Variants in ULK4 observed in about 807,000 individuals in gnomAD.
ULK4 encodes the protein inactive serine/threonine-protein kinase ULK4.
ULK4 carries 133 observed loss-of-function variants against 160.6 expected under a neutral mutation model. That is an observed-to-expected ratio of 0.83 (90% CI 0.72 to 0.96). The LOEUF is 0.96. Among genes scored for constraint, ULK4 ranks in the 40% least tolerant of loss-of-function variants. The pLI, the probability that ULK4 is intolerant of heterozygous loss-of-function variation, is 0.00. For missense variants in ULK4, 1,580 were observed against 1,499.5 expected (o/e 1.05, Z -0.89); for synonymous variants, 534 against 539.8 (o/e 0.99, Z 0.15).
At chr3:41,666,007 G>C (rs1026032104) in intron 29 of ULK4, among the ~76,000 whole-genome samples, 2 of 152,322 alleles carry the variant, frequency 1.3e-5, no homozygotes, top group African/African-American at 4.8e-5. Flanking sequence ...CAGAGACAAG[G>C]AAAGACCAGG....
At chr3:41,382,321 G>A (rs1267872001) in intron 35 of ULK4, among the ~76,000 whole-genome samples, 1 of 152,162 alleles carries the variant, frequency 6.6e-6, no homozygotes, top group Non-Finnish European at 1.5e-5. Flanking sequence ...ATATTTACTT[G>A]TTGAGTGAAT....
At chr3:41,341,901 G>A (rs2080693619) in intron 35 of ULK4, among the ~76,000 whole-genome samples, 1 of 152,158 alleles carries the variant, frequency 6.6e-6, no homozygotes, top group South Asian at 2.1e-4. Flanking sequence ...GGAACATGAA[G>A]CATCTATAAA....
At chr3:41,584,583 G>A (rs980438345) in intron 31 of ULK4, among the ~76,000 whole-genome samples, 7 of 152,048 alleles carry the variant, frequency 4.6e-5, no homozygotes, top group African/African-American at 1.2e-4. Flanking sequence ...TACCATGCCT[G>A]GCCAAGAAAT....
At position 41,623,446 on chromosome 3, in the gene ULK4, C is replaced by A. The variant is rs549548251; in HGVS notation, c.3072-7729G>T. 2.0e-4 allele frequency among the ~76,000 whole-genome samples: 31 copies of A among 152,156 alleles called. No individual in the cohort carries two copies. In the South Asian group the frequency reaches 6.4e-3, roughly 32 times the overall value. ...TCATTGCAGCATTATCCATAATAGA[C>A]AAGATACGGAAACAACCTAAATGAC... On this transcript the variant is annotated intron_variant, in intron 30 of 36. Transcript: ENST00000301831.
intron 35 of ULK4, among the ~76,000 whole-genome samples, chr3:41,319,960 C>T (rs1254867033): frequency 6.6e-6 from 1 of 152,156 alleles, no homozygotes; most frequent in Non-Finnish European, 1.5e-5. Flanking sequence ...AGTTTCTTCA[C>T]GTACAAAACT....
rs192119684 is a variant in ULK4, at chr3:41,908,921, C to T, written c.1086-980G>A. 7.2e-5 allele frequency among the ~76,000 whole-genome samples: 11 copies of T among 151,848 alleles called. No homozygotes were observed. The East Asian group carries it at 1.9e-3, about 27-fold the overall frequency. ...CAGTCTGGCCAATATGGCAAAACCC[C>T]ATCCCTACTAAAAATACAAAAATTA... On this transcript the variant is annotated intron_variant, in intron 11 of 36. Transcript: ENST00000301831.
chr3:41,316,029 C>T (rs1047171015), intron 35 of ULK4, among the ~76,000 whole-genome samples: 4 of 152,164 alleles, frequency 2.6e-5, no homozygotes, highest in African/African-American at 9.7e-5. Flanking sequence ...CCAGGAATTC[C>T]AGTCACAGGT....
rs1209497328 is a variant in ULK4, at chr3:41,247,048, C to T, written c.3765-56G>A. 3.9e-6 allele frequency: 6 copies of T among 1,553,698 alleles called. No homozygotes were observed. In the Admixed American group the frequency reaches 1.1e-4, roughly 28 times the overall value. ...ATAGGCATCTCTAAGGTAAAGTGCTCCCCCCTTTCAAAGGGGCCAGCCTCT... is the reference window on the plus strand; with the variant it reads ...ATAGGCATCTCTAAGGTAAAGTGCTTCCCCCTTTCAAAGGGGCCAGCCTCT... On this transcript the variant is annotated intron_variant, in intron 36 of 36. Transcript: ENST00000301831.
chr3:41,848,464 G>A (rs1291782139), intron 17 of ULK4, among the ~76,000 whole-genome samples: 1 of 152,084 alleles, frequency 6.6e-6, no homozygotes, highest in African/African-American at 2.4e-5. Flanking sequence ...TTCCTGCACT[G>A]TGCCTGGTCT....
chr3:41,470,044 A>AAAAAAAAAAAAAAAAAAAAAAAC (rs1415943037), intron 32 of ULK4, among the ~76,000 whole-genome samples: 12 of 116,686 alleles, frequency 1.0e-4, no homozygotes, highest in African/African-American at 1.4e-4. Context: ...AAAAAAAAAA[A>AAAAAAAAAAAAAAAAAAAAAAAC]AACAAAGTAT....
intron 29 of ULK4, among the ~76,000 whole-genome samples, chr3:41,667,291 G>A (rs1427571366): frequency 1.3e-5 from 2 of 152,172 alleles, no homozygotes; most frequent in Non-Finnish European, 2.9e-5. Context: ...ACTAGCTTGT[G>A]CATAAGAATT....
At chr3:41,950,401 C>T (rs1231314784) in intron 2 of ULK4, among the ~76,000 whole-genome samples, 3 of 152,092 alleles carry the variant, frequency 2.0e-5, no homozygotes, top group Non-Finnish European at 4.4e-5. Flanking sequence ...CCACCATGCC[C>T]GGCTGATTTT....
chr3:41,300,862 T>C lies in ULK4; in HGVS notation c.3679-51288A>G, dbSNP rs1269717789. Among the ~76,000 whole-genome samples, 6 of 111,398 alleles carry C rather than the reference T, an allele frequency of 5.4e-5. 1 individual carries two copies. Among genetic ancestry groups the C allele is most frequent in the African/African-American group, 2.8e-4 (6 of 21,340 alleles). The allele number at this position is 111,398 out of a possible 152,430, so 73.1% of individuals were successfully genotyped here. A position where few individuals can be genotyped will look rare whatever the true frequency, so the allele number is the denominator to read the frequency against. ...TTATATATATATATATATATATATA[T>C]ATATATATATATATATATATATATT... On this transcript the variant is annotated intron_variant, in intron 35 of 36. Coordinates refer to ENST00000301831, the MANE Select transcript of ULK4 (RefSeq NM_017886.4).
chr3:41,886,825 C>T (rs56167033), intron 16 of ULK4, among the ~76,000 whole-genome samples: 27,923 of 152,106 alleles, frequency 0.18, 2,934 homozygotes, highest in African/African-American at 0.28. Context: ...CCACCCACCT[C>T]GGCCTCCCAA....
chr3:41,502,381 AGAGATGGGCAGTTTCTT>A (rs2085241124), intron 32 of ULK4, among the ~76,000 whole-genome samples: 1 of 152,248 alleles, frequency 6.6e-6, no homozygotes, highest in Admixed American at 6.5e-5. Flanking sequence ...TTTAAATAAC[AGAGATGGGCAGTTTCTT>A]GTAAAGTTTA....
At chr3:41,564,507 G>A (rs1265663765) in intron 32 of ULK4, among the ~76,000 whole-genome samples, 2 of 131,052 alleles carry the variant, frequency 1.5e-5, no homozygotes, top group Non-Finnish European at 3.1e-5. Context: ...ACCCTAGGCT[G>A]GAGTGCAGTG....
At chr3:41,529,549 A>G (rs1475229337) in intron 32 of ULK4, among the ~76,000 whole-genome samples, 4 of 152,184 alleles carry the variant, frequency 2.6e-5, no homozygotes, top group African/African-American at 9.7e-5. Context: ...CAGTGGCACA[A>G]TCTCGGCTCA....
chr3:41,459,773 T>C lies in ULK4; in HGVS notation c.3393+3314A>G, dbSNP rs748307398. ...GGCACAGGAGTGACAAAGCACAGCA[T>C]CCACTTACAAGATGGCAGTGCAACT... On this transcript the variant is annotated intron_variant, in intron 33 of 36. Coordinates refer to ENST00000301831, the MANE Select transcript of ULK4 (RefSeq NM_017886.4). Among the ~76,000 whole-genome samples, 30 of 152,086 alleles carry C rather than the reference T, an allele frequency of 2.0e-4. 1 individual carries two copies. Among genetic ancestry groups the C allele is most frequent in the Admixed American group, 2.0e-3 (30 of 15,262 alleles).
chr3:41,605,591 G>A (rs1047018840), intron 31 of ULK4, among the ~76,000 whole-genome samples: 4 of 151,926 alleles, frequency 2.6e-5, no homozygotes, highest in Admixed American at 2.0e-4. Flanking sequence ...GAATAACAGA[G>A]CTTCAAAACA....
Sources: allele counts gnomAD v4.1 joint callset (sites outside exome capture counted in the v4.1 genomes callset), GRCh38; gene constraint gnomAD v4.1.1; transcripts MANE v1.5; gene names NCBI Gene and HGNC (gene_info 2026-07-23, HGNC 2026-07-21).